PCDHGA2: variants seen among roughly 807,000 people sequenced by gnomAD.
PCDHGA2 encodes protocadherin gamma subfamily A, 2.
Under a neutral mutation model 59.2 loss-of-function variants are expected in PCDHGA2, and 40 were observed. The observed-to-expected ratio is 0.68, with a 90% CI of 0.52 to 0.88. The LOEUF (loss-of-function observed/expected upper bound fraction) is 0.88, where lower values mean the gene tolerates loss of function less well. PCDHGA2 is among the 40% of genes least tolerant of loss of function. The pLI, the probability that PCDHGA2 is intolerant of heterozygous loss-of-function variation, is 0.00. For missense variants in PCDHGA2, 1,226 were observed against 1,204.0 expected, an observed-to-expected ratio of 1.02 and a Z score of -0.27; for synonymous variants, 560 against 526.0, an observed-to-expected ratio of 1.06 and a Z score of -0.89.
At chr5:141,345,594 G>C in intron 1 of PCDHGA2, 1 of 1,614,112 alleles carries the variant, frequency 6.2e-7, no homozygotes, top group Middle Eastern at 1.6e-4. Flanking sequence ...GAGATCCTTC[G>C]ACTACGAGCA....
Position 141,399,843 on chromosome 5 carries a change from T to C in PCDHGA2, c.2424+58448T>C, listed in dbSNP as rs1452069886. ...GTCCCGACGGCTCTGCGCTCTTCGATATGGTGCCGCGCGCTGCAGAGCCCG... is the reference window on the plus strand; with the variant it reads ...GTCCCGACGGCTCTGCGCTCTTCGACATGGTGCCGCGCGCTGCAGAGCCCG... On this transcript the variant is annotated intron_variant, in intron 1 of 3. Coordinates refer to ENST00000394576, the MANE Select transcript of PCDHGA2 (RefSeq NM_018915.4). 2.5e-6 allele frequency: 4 copies of C among 1,612,848 alleles called. No homozygotes were observed. The African/African-American group carries it at 5.3e-5, about 22-fold the overall frequency.
At chr5:141,356,781 C>T (rs1283298269) in intron 1 of PCDHGA2, 7 of 1,613,876 alleles carry the variant, frequency 4.3e-6, no homozygotes, top group East Asian at 4.5e-5. Context: ...AGTTTAGAGA[C>T]CTGCAGCTGC....
intron 1 of PCDHGA2, chr5:141,426,732 C>T (rs576525011): frequency 2.7e-4 from 123 of 448,642 alleles, no homozygotes; most frequent in African/African-American, 2.2e-3. Context: ...TCCAGGCATT[C>T]GGTTTGGCCT....
intron 2 of PCDHGA2, among the ~76,000 whole-genome samples, chr5:141,495,452 C>G (rs543717781): frequency 1.3e-5 from 2 of 152,356 alleles, no homozygotes; most frequent in South Asian, 2.1e-4. Context: ...TTGTCCTGCT[C>G]TCTGTCTGTG....
chr5:141,362,218 G>T, intron 1 of PCDHGA2: 1 of 1,614,032 alleles, frequency 6.2e-7, no homozygotes, highest in South Asian at 1.1e-5. Context: ...CCTGGTTGTG[G>T]CCTTGGCCTT....
rs1338955892 is a variant in PCDHGA2, at chr5:141,502,521, T to C, written c.2484-2872T>C. 5.9e-5 allele frequency among the ~76,000 whole-genome samples: 9 copies of C among 152,338 alleles called. No homozygotes were observed. In the East Asian group the frequency reaches 1.7e-3, roughly 29 times the overall value. The stretch of plus-strand genomic sequence containing the variant: ...CGTCGGCCTGTCCCACTATCAGTGA[T>C]GCCGAGTTTGTTCGTGTGGTAAAAA... On this transcript the variant is annotated intron_variant, in intron 2 of 3. Transcript: ENST00000394576.
chr5:141,377,906 C>T (rs777974750), intron 1 of PCDHGA2: 1 of 152,280 alleles, frequency 6.6e-6, no homozygotes, highest in Non-Finnish European at 1.5e-5. Context: ...GTTGCCCAGT[C>T]TGGAGTAAAA....
At chr5:141,495,240 C>T (rs2099759761) in intron 2 of PCDHGA2, among the ~76,000 whole-genome samples, 1 of 152,182 alleles carries the variant, frequency 6.6e-6, no homozygotes, top group South Asian at 2.1e-4. Context: ...TCCATTATGA[C>T]CTGGGGCTCA....
chr5:141,489,447 G>A lies in PCDHGA2; in HGVS notation c.2425-5360G>A. The A allele has an allele frequency of 5.6e-6, 9 of 1,614,134 alleles. No homozygotes were observed. The highest frequency in any genetic ancestry group is 7.6e-6 in the Non-Finnish European group (9 of 1,180,028). ...GCCGGCGGCTGCAATTGGGCTCTGA[G>A]GAGAATGGGCGCTATTTTTCCCTGA... On this transcript the variant is annotated intron_variant, in intron 1 of 3. Coordinates refer to ENST00000394576, the MANE Select transcript of PCDHGA2 (RefSeq NM_018915.4). This position sits in a 1 kb window ranked among gnomAD's most constrained non-coding sequence, Gnocchi z 4.5.
At chr5:141,448,639 T>C (rs1248697237) in intron 1 of PCDHGA2, among the ~76,000 whole-genome samples, 1 of 152,148 alleles carries the variant, frequency 6.6e-6, no homozygotes, top group Non-Finnish European at 1.5e-5. Context: ...CATTATATCC[T>C]TTAAAAATAT....
In PCDHGA2 at chr5:141,338,966, AG is replaced by A. The variant is rs1465045344; in HGVS notation, c.-3del. On this transcript the variant is annotated 5_prime_UTR_variant, in exon 1 of 4. Coordinates refer to ENST00000394576, the MANE Select transcript of PCDHGA2 (RefSeq NM_018915.4). ...TTGACTCGGAGAAAATTGCGACAGG[AG>A]GGAAATGGCGGCTCTGCAAAAGTTG... is the stretch of plus-strand genomic sequence containing the variant. 2.0e-6 allele frequency: 3 copies of A among 1,526,562 alleles called. No individual in the cohort carries two copies. In the East Asian group the frequency reaches 6.8e-5, roughly 35 times the overall value. 94.6% of individuals were successfully genotyped at this position (1,526,562 alleles called of 1,614,324 possible).
chr5:141,360,821 G>T, intron 1 of PCDHGA2: 1 of 1,613,924 alleles, frequency 6.2e-7, no homozygotes, highest in Non-Finnish European at 8.5e-7. Flanking sequence ...ACCCAAATCC[G>T]AATCAAAGTC....
At chr5:141,390,039 C>A (rs2092026934) in intron 1 of PCDHGA2, 2 of 1,614,048 alleles carry the variant, frequency 1.2e-6, no homozygotes, top group Non-Finnish European at 1.7e-6. Flanking sequence ...CTCCTCCAGC[C>A]CCGCCTCCTG....
chr5:141,351,869 G>A, intron 1 of PCDHGA2: 2 of 1,613,240 alleles, frequency 1.2e-6, no homozygotes, highest in South Asian at 2.2e-5. Context: ...GGGCTCCCCC[G>A]CGCTCAGCGC....
At chr5:141,410,430 A>G in intron 1 of PCDHGA2, 1 of 1,613,976 alleles carries the variant, frequency 6.2e-7, no homozygotes, top group Middle Eastern at 1.6e-4. Context: ...CCCCCCAACT[A>G]CAGTGAGGGG....
intron 1 of PCDHGA2, chr5:141,393,194 C>G (rs770162660): frequency 6.2e-7 from 1 of 1,613,362 alleles, no homozygotes. Flanking sequence ...TTGATATTAA[C>G]GATAATAACC....
At chr5:141,478,299 G>A (rs201916687) in intron 1 of PCDHGA2, 1 of 1,614,056 alleles carries the variant, frequency 6.2e-7, no homozygotes, top group Non-Finnish European at 8.5e-7. Flanking sequence ...GACCTATACC[G>A]AGCCCCGGTG....
At chr5:141,449,148 T>C (rs570694341) in intron 1 of PCDHGA2, among the ~76,000 whole-genome samples, 20 of 152,268 alleles carry the variant, frequency 1.3e-4, no homozygotes, top group African/African-American at 4.8e-4. Flanking sequence ...AATTGCTGGG[T>C]CAAAGAGGAA....
chr5:141,388,415 T>C, intron 1 of PCDHGA2: 2 of 1,613,894 alleles, frequency 1.2e-6, no homozygotes, highest in Non-Finnish European at 1.7e-6. Flanking sequence ...CCAGTGATCA[T>C]TTCTCACTGA....
Sources: allele counts gnomAD v4.1 joint callset (sites outside exome capture counted in the v4.1 genomes callset), GRCh38; gene constraint gnomAD v4.1.1; non-coding constraint Gnocchi (gnomAD v3.1); transcripts MANE v1.5; gene names NCBI Gene and HGNC (gene_info 2026-07-23, HGNC 2026-07-21).